TIAM2: variants seen among roughly 807,000 people sequenced by gnomAD.
TIAM2 encodes the protein rho guanine nucleotide exchange factor TIAM2.
TIAM2 carries 80 observed loss-of-function variants against 152.9 expected under a neutral mutation model. The ratio of observed to expected loss-of-function variants is 0.52; its 90% CI spans 0.44 to 0.63. The LOEUF (loss-of-function observed/expected upper bound fraction) is 0.63. Ranked by LOEUF, TIAM2 falls within the 30% of genes least tolerant of loss-of-function variation. The pLI is 0.00. For missense variants in TIAM2, 1,965 were observed against 2,120.1 expected (o/e 0.93, Z 1.44); for synonymous variants, 804 against 838.0 (o/e 0.96, Z 0.70).
chr6:155,071,190 A>G (rs953571550), intron 1 of TIAM2, among the ~76,000 whole-genome samples: 1 of 150,080 alleles, frequency 6.7e-6, no homozygotes, highest in African/African-American at 2.5e-5. Flanking sequence ...AGAAAAAAAG[A>G]CACATATTTA....
rs1194165234 is a variant in TIAM2, at chr6:155,176,969, G to T, written c.2515G>T (p.Ala839Ser). 2 of 1,606,114 alleles carry T rather than the reference G, an allele frequency of 1.2e-6. No homozygotes were observed. Among genetic ancestry groups the T allele is most frequent in the South Asian group, 1.1e-5 (1 of 89,328 alleles). Residue 839 changes from alanine (A) to serine (S), a missense_variant, in exon 10 of 27, where the codon GCA becomes TCA. By Grantham distance (99) the Ala-to-Ser change is moderately conservative. Coordinates refer to ENST00000682666, the MANE Select transcript of TIAM2 (RefSeq NM_012454.4). ...EHRVEDILTL[A>S]CKMRQLEPSH... ...CAGAGTAGAAGATATTTTGACTTTG[G>T]CATGCAAGGTAACGGATTTTGCTGC...
chr6:155,242,929 A>C (rs2115319442), intron 16 of TIAM2, among the ~76,000 whole-genome samples: 1 of 151,244 alleles, frequency 6.6e-6, no homozygotes, highest in East Asian at 2.0e-4. Context: ...TTTTAGTAGA[A>C]ACAGGGTTTC....
chr6:155,183,700 T>G (rs1780966907), intron 14 of TIAM2, among the ~76,000 whole-genome samples, 200 bp downstream of exon 14: 1 of 152,174 alleles, frequency 6.6e-6, no homozygotes, highest in Non-Finnish European at 1.5e-5. Context: ...TTCATTAAAA[T>G]AGAAAATAAT....
intron 1 of TIAM2, among the ~76,000 whole-genome samples, chr6:155,045,937 T>G (rs1180215271): frequency 1.3e-5 from 2 of 150,108 alleles, no homozygotes; most frequent in African/African-American, 4.9e-5. Context: ...AAGGGTTCTG[T>G]TTTAATGAGG....
intron 1 of TIAM2, among the ~76,000 whole-genome samples, chr6:155,065,959 T>G (rs915462176): frequency 1.3e-5 from 2 of 152,152 alleles, no homozygotes; most frequent in African/African-American, 4.8e-5. Context: ...TATTAGTATT[T>G]GGAGGTATTT....
chr6:155,035,191 G>GTT (rs72560664), intron 1 of TIAM2, among the ~76,000 whole-genome samples: 60,744 of 149,808 alleles, frequency 0.41, 13,809 homozygotes, highest in Non-Finnish European at 0.5. Flanking sequence ...TTGTTTTGCT[G>GTT]TTTTTTTTAT....
intron 6 of TIAM2, 131 bp downstream of exon 6, chr6:155,144,909 C>T (rs745453191): frequency 1.9e-5 from 20 of 1,027,110 alleles, no homozygotes; most frequent in Non-Finnish European, 2.8e-5. Context: ...CCTTAAGCAA[C>T]AGATGTTGGC....
At chr6:155,055,252 C>G (rs1177804729) in intron 1 of TIAM2, among the ~76,000 whole-genome samples, 1 of 152,110 alleles carries the variant, frequency 6.6e-6, no homozygotes, top group East Asian at 1.9e-4. Context: ...AATCAAAGTA[C>G]CATACTATAA....
chr6:155,031,821 A>T (rs1338721579), intron 1 of TIAM2, among the ~76,000 whole-genome samples: 7 of 152,222 alleles, frequency 4.6e-5, no homozygotes, highest in Non-Finnish European at 1.0e-4. Context: ...ATGAAAACAT[A>T]ACATATTAAT....
chr6:155,257,439 T>TAATA lies in TIAM2; in HGVS notation c.*319_*322dup, dbSNP rs1261378785. 1.7e-5 allele frequency: 6 copies of TAATA among 346,302 alleles called. No homozygotes were observed. Among genetic ancestry groups the TAATA allele is most frequent in the East Asian group, 6.8e-5 (1 of 14,678 alleles). The allele number at this position is 346,302 out of a possible 1,614,324, so 21.5% of individuals were successfully genotyped here. A position where few individuals can be genotyped will look rare whatever the true frequency, so the allele number is the denominator to read the frequency against. ...AAAGTAAGGCTGGGGAAGTCGTGATTAATAGTTTTCAAAGGGCCATTTTTT... is the reference window on the plus strand; with the variant it reads ...AAAGTAAGGCTGGGGAAGTCGTGATTAATAAATAGTTTTCAAAGGGCCATTTTTT... On this transcript the variant is annotated 3_prime_UTR_variant, in exon 27 of 27. Coordinates refer to ENST00000682666, the MANE Select transcript of TIAM2 (RefSeq NM_012454.4).
In TIAM2 at chr6:155,035,221, G is replaced by A. The variant is rs574923803; in HGVS notation, c.-209+39729G>A. On this transcript the variant is annotated intron_variant, in intron 1 of 26. Transcript: ENST00000682666. ...TTTTATTCTTCGCCTTACATGTATC[G>A]TCCTATTTTTTTTTTTTTTGAAACG... Among the ~76,000 whole-genome samples, 8 of 122,222 alleles carry A rather than the reference G, an allele frequency of 6.5e-5. 1 individual carries two copies. The highest frequency in any genetic ancestry group is 5.5e-4 in the Admixed American group (6 of 10,940). 80.2% of individuals were successfully genotyped at this position (122,222 alleles called of 152,430 possible).
rs1336858471 is a variant in TIAM2, at chr6:155,130,338, A to G, written c.1115A>G (p.Lys372Arg). 3 of 1,614,102 alleles carry G rather than the reference A, an allele frequency of 1.9e-6. No individual in the cohort carries two copies. Among genetic ancestry groups the G allele is most frequent in the Middle Eastern group, 1.6e-4 (1 of 6,062 alleles). ...AAAGCCTTTGTTGAGGATACTGCGAAGAAGGACTCCCTCAAAGCCAGGATG... is the reference window on the plus strand; with the variant it reads ...AAAGCCTTTGTTGAGGATACTGCGAGGAAGGACTCCCTCAAAGCCAGGATG... ...KPKAFVEDTA[K>R]KDSLKARMRR... The change falls in exon 4 of 27, where the codon AAG becomes AGG. Residue 372 changes from lysine (K) to arginine (R), a missense_variant. Lys to Arg is a conservative substitution (Grantham distance 26, BLOSUM62 2). This residue lies in a region of TIAM2 where 1,025 missense variants were observed against 1,119.4 expected (regional missense o/e 0.92). Transcript: ENST00000682666.
At chr6:155,105,447 C>A (rs1778661491) in intron 2 of TIAM2, among the ~76,000 whole-genome samples, 3 of 152,086 alleles carry the variant, frequency 2.0e-5, no homozygotes. Flanking sequence ...TCGCCCCTGG[C>A]CCTGGCTAAT....
chr6:155,146,359 C>A (rs978571289), intron 6 of TIAM2, among the ~76,000 whole-genome samples: 10 of 152,046 alleles, frequency 6.6e-5, no homozygotes, highest in Admixed American at 3.3e-4. Flanking sequence ...CCAGCCCAGG[C>A]GACAGAGTGA....
intron 1 of TIAM2, among the ~76,000 whole-genome samples, chr6:155,089,210 T>G (rs1215940746): frequency 6.9e-6 from 1 of 145,066 alleles, no homozygotes; most frequent in African/African-American, 2.5e-5. Context: ...AAACCACCTG[T>G]TTTTTTTCGG....
chr6:155,047,654 AGAGAGAGAGAGAG>A (rs1777207664), intron 1 of TIAM2, among the ~76,000 whole-genome samples: 1 of 117,088 alleles, frequency 8.5e-6, no homozygotes, highest in Non-Finnish European at 1.8e-5. Context: ...GTGGGGGGAG[AGAGAGAGAGAGAG>A]GAGAGAGAGA....
At chr6:155,001,284 C>G (rs553952927) in intron 1 of TIAM2, among the ~76,000 whole-genome samples, 1 of 152,244 alleles carries the variant, frequency 6.6e-6, no homozygotes, top group East Asian at 1.9e-4. Context: ...ATCCTTTACC[C>G]AAGTTCACGT....
rs1054899876 is a variant in TIAM2, at chr6:155,179,213, A to G, written c.2628+70A>G. 5 of 1,506,212 alleles carry G rather than the reference A, an allele frequency of 3.3e-6. No individual in the cohort carries two copies. In the Middle Eastern group the frequency reaches 5.2e-4, roughly 156 times the overall value. The allele number at this position is 1,506,212 out of a possible 1,614,324, so 93.3% of individuals were successfully genotyped here. ...TGGCCCTTTGATTTTGAAAAATGTCATTTTTGGGGAAAATTCTGTTTAAAT... is the reference window on the plus strand; with the variant it reads ...TGGCCCTTTGATTTTGAAAAATGTCGTTTTTGGGGAAAATTCTGTTTAAAT... On this transcript the variant is annotated intron_variant, in intron 11 of 26. Transcript: ENST00000682666.
chr6:155,187,049 T>C (rs1781056610), intron 14 of TIAM2, among the ~76,000 whole-genome samples: 1 of 152,032 alleles, frequency 6.6e-6, no homozygotes, highest in Non-Finnish European at 1.5e-5. Context: ...TATAAGAATA[T>C]CAGAAAGTAG....
Sources: gnomAD v4.1 joint callset for allele counts (sites outside exome capture counted in the v4.1 genomes callset) on GRCh38, gnomAD v4.1.1 for gene constraint, gnomAD v4.1.1 regional missense constraint, MANE v1.5 for transcripts, NCBI Gene and HGNC (gene_info 2026-07-23, HGNC 2026-07-21) for gene names.